The following SLC30A7 variants were observed in gnomAD, a reference collection of about 807,000 sequenced individuals.
SLC30A7 encodes the protein solute carrier family 30 member 7, also known as zinc transporter 7.
In SLC30A7, 35 loss-of-function variants were observed where a neutral mutation model predicts 46.0. The ratio of observed to expected loss-of-function variants is 0.76; its 90% CI spans 0.58 to 1.01. The LOEUF is 1.01. Among genes scored for constraint, SLC30A7 ranks in the 50% least tolerant of loss-of-function variants. The probability of loss-of-function intolerance (pLI) is 0.00; values close to 1 mark genes in which losing one functional copy is unlikely to be tolerated. For synonymous variants in SLC30A7, 147 were observed against 157.8 expected (o/e 0.93, Z 0.51); for missense variants, 464 against 451.1 (o/e 1.03, Z -0.26).
At position 100,965,836 on chromosome 1, in the gene SLC30A7, A is replaced by G. The variant is rs1018132772; in HGVS notation, c.1001A>G (p.Tyr334Cys). Residue 334 changes from tyrosine to cysteine, a missense_variant, in exon 10 of 11, where the codon TAT becomes TGT. Coordinates refer to ENST00000357650, the MANE Select transcript of SLC30A7 (RefSeq NM_133496.5). ...QHFWTLCSDV[Y>C]VGTLKLIVAP... ...TTCTGGACTTTATGTTCTGACGTTTATGTTGGGACCTTGAAATTAATAGTA... is the reference window on the plus strand; with the variant it reads ...TTCTGGACTTTATGTTCTGACGTTTGTGTTGGGACCTTGAAATTAATAGTA... 6.2e-7 allele frequency: 1 copy of G among 1,613,892 alleles called. No homozygotes were observed. The highest frequency in any genetic ancestry group is 8.5e-7 in the Non-Finnish European group (1 of 1,179,808).
chr1:100,969,938 C>T (rs894976453), intron 10 of SLC30A7, among the ~76,000 whole-genome samples: 1 of 151,922 alleles, frequency 6.6e-6, no homozygotes. Context: ...ATGCATGGTC[C>T]TTATGCAATT....
At chr1:100,947,268 A>G (rs1654691902) in intron 8 of SLC30A7, among the ~76,000 whole-genome samples, 1 of 152,158 alleles carries the variant, frequency 6.6e-6, no homozygotes, top group Non-Finnish European at 1.5e-5. Context: ...CGTTGTTTTC[A>G]TTGGTTTCTA....
intron 4 of SLC30A7, 50 bp from the exon 5 acceptor site, chr1:100,912,062 T>C: frequency 6.6e-7 from 1 of 1,524,438 alleles, no homozygotes; most frequent in Non-Finnish European, 9.0e-7. Context: ...TGTTAGTTGA[T>C]CAATCAGAAA....
chr1:100,906,828 G>C, intron 2 of SLC30A7, 24 bp from the exon 3 acceptor site: 1 of 1,484,588 alleles, frequency 6.7e-7, no homozygotes. Context: ...ATTATAATTT[G>C]TCAATGTGTT....
chr1:100,985,099 A>G (rs577037144), downstream of SLC30A7, among the ~76,000 whole-genome samples: 11 of 152,362 alleles, frequency 7.2e-5, no homozygotes, highest in Middle Eastern at 3.4e-3. Flanking sequence ...GAATTCATAG[A>G]TGGATAAAAA....
chr1:100,934,910 C>T (rs895544462), intron 8 of SLC30A7, among the ~76,000 whole-genome samples: 13 of 152,024 alleles, frequency 8.6e-5, no homozygotes, highest in Admixed American at 6.6e-4. Flanking sequence ...GTGGGAAGAT[C>T]GCTTGAGCTT....
At chr1:100,919,890 A>G (rs1010256818) in intron 7 of SLC30A7, among the ~76,000 whole-genome samples, 1 of 152,126 alleles carries the variant, frequency 6.6e-6, no homozygotes, top group African/African-American at 2.4e-5. Flanking sequence ...ATTATATGCT[A>G]CATCTTGACT....
At chr1:100,943,814 A>C (rs2101060574) in intron 8 of SLC30A7, among the ~76,000 whole-genome samples, 1 of 152,364 alleles carries the variant, frequency 6.6e-6, no homozygotes, top group South Asian at 2.1e-4. Flanking sequence ...GATTTTCAAG[A>C]ATATTATTAA....
rs188394499 is a variant in SLC30A7, at chr1:100,972,086, A to C, written c.1084-2724A>C. On this transcript the variant is annotated intron_variant, in intron 10 of 10. Transcript: ENST00000357650. Reference sequence around the variant, plus strand: ...ACTATATGGTTTTCACATTTTAAGGACCTGTCAGCCAGCCTCTGGCTCCTG... The same window carrying C: ...ACTATATGGTTTTCACATTTTAAGGCCCTGTCAGCCAGCCTCTGGCTCCTG... 3.8e-3 allele frequency among the ~76,000 whole-genome samples: 571 copies of C among 152,184 alleles called. 1 individual carries two copies. The highest frequency in any genetic ancestry group is 0.013 in the African/African-American group (549 of 41,540).
chr1:100,910,640 T>C (rs950036093), intron 3 of SLC30A7, among the ~76,000 whole-genome samples: 5 of 152,134 alleles, frequency 3.3e-5, no homozygotes, highest in Non-Finnish European at 5.9e-5. Context: ...CATAAGGAGT[T>C]CTTAGAAAAA....
Position 100,960,441 on chromosome 1 carries a change from C to G in SLC30A7, c.843-1387C>G, listed in dbSNP as rs150090836. On this transcript the variant is annotated intron_variant, in intron 8 of 10. Transcript: ENST00000357650. ...AATTGGGCCCACTTTATGACCAGCACTTTGCTAGACCTTGAGAATATAATA... is the reference window on the plus strand; with the variant it reads ...AATTGGGCCCACTTTATGACCAGCAGTTTGCTAGACCTTGAGAATATAATA... Among the ~76,000 whole-genome samples, 58 of 152,268 alleles carry G rather than the reference C, an allele frequency of 3.8e-4. 1 individual carries two copies. The highest frequency in any genetic ancestry group is 1.3e-3 in the African/African-American group (55 of 41,564).
At chr1:100,992,631 G>C in the SLC30A7 span, 1 of 1,610,708 alleles carries the variant, frequency 6.2e-7, no homozygotes, top group African/African-American at 1.3e-5. Flanking sequence ...CTAGTGTCTT[G>C]AGTACCTGGT....
intron 3 of SLC30A7, among the ~76,000 whole-genome samples, chr1:100,908,015 T>C (rs1463092781): frequency 6.6e-6 from 1 of 152,014 alleles, no homozygotes; most frequent in Non-Finnish European, 1.5e-5. Context: ...CTCCTCCTCC[T>C]CTTCTCTTAA....
At position 100,974,830 on chromosome 1, in the gene SLC30A7, C is replaced by T. The variant is rs112172586; in HGVS notation, c.1104C>T (p.Tyr368=). 231 of 1,595,800 alleles carry T rather than the reference C, an allele frequency of 1.4e-4. No homozygotes were observed. In the African/African-American group the frequency reaches 2.5e-3, roughly 17 times the overall value. ...TTCAGGCTGGAGTGAGACAGCTCTA[C>T]GTACAGATTGACTTTGCAGCCATGT... ...IFTQAGVRQL[Y]VQIDFAAM The change falls in exon 11 of 11, where the codon TAC becomes TAT. Residue 368 remains tyrosine (Y), a synonymous_variant. Transcript: ENST00000357650.
intron 2 of SLC30A7, among the ~76,000 whole-genome samples, chr1:100,906,482 A>G (rs561396800): frequency 4.1e-4 from 62 of 152,158 alleles, no homozygotes; most frequent in Non-Finnish European, 7.6e-4. Flanking sequence ...GCTTTGTAAG[A>G]TCCTGGGTGC....
In SLC30A7 at chr1:100,905,709, C is replaced by T. The variant is rs150139577; in HGVS notation, c.183-1143C>T. Among the ~76,000 whole-genome samples the T allele has an allele frequency of 2.0e-3, 301 of 152,120 alleles. 1 individual carries two copies. The highest frequency in any genetic ancestry group is 7.0e-3 in the African/African-American group (291 of 41,520). ...CAGAAGCCCATGACTGTTATTCCTC[C>T]ATATTGTAATTTTTAAAAAATTATC... On this transcript the variant is annotated intron_variant, in intron 2 of 10. Coordinates refer to ENST00000357650, the MANE Select transcript of SLC30A7 (RefSeq NM_133496.5).
intron 8 of SLC30A7, among the ~76,000 whole-genome samples, chr1:100,926,952 G>A (rs1401836599): frequency 2.0e-5 from 3 of 152,198 alleles, no homozygotes; most frequent in Non-Finnish European, 2.9e-5. Flanking sequence ...AAATGGTGGA[G>A]GAGAGGAATA....
chr1:100,940,776 C>T (rs1175046487), intron 8 of SLC30A7, among the ~76,000 whole-genome samples: 2 of 152,198 alleles, frequency 1.3e-5, no homozygotes, highest in East Asian at 3.8e-4. Flanking sequence ...GACTGTTTTA[C>T]ACTTTCCACA....
At chr1:100,983,930 A>G (rs1657126692), downstream of SLC30A7, among the ~76,000 whole-genome samples, 1 of 152,326 alleles carries the variant, frequency 6.6e-6, no homozygotes, top group East Asian at 1.9e-4. Flanking sequence ...TTAGATCATA[A>G]TGTTCAGATT....
Sources: allele counts gnomAD v4.1 joint callset (sites outside exome capture counted in the v4.1 genomes callset), GRCh38; gene constraint gnomAD v4.1.1; transcripts MANE v1.5; gene names NCBI Gene and HGNC (gene_info 2026-07-23, HGNC 2026-07-21).